The following DYNC2I2 variants were observed in gnomAD, a reference collection of about 807,000 sequenced individuals.
DYNC2I2 encodes the protein dynein 2 intermediate chain 2.
DYNC2I2 carries 39 observed loss-of-function variants against 52.0 expected under a neutral mutation model. The observed-to-expected ratio is 0.75, with a 90% confidence interval of 0.58 to 0.98. The LOEUF is 0.98. Ranked by LOEUF, DYNC2I2 falls within the 50% of genes least tolerant of loss-of-function variation. The pLI is 0.00. For synonymous variants in DYNC2I2, 359 were observed against 321.1 expected (o/e 1.12, Z -1.26); for missense variants, 743 against 728.4 (o/e 1.02, Z -0.23).
intron 1 of DYNC2I2, among the ~76,000 whole-genome samples, chr9:128,654,131 C>T (rs1419353182): frequency 1.3e-5 from 2 of 152,204 alleles, no homozygotes; most frequent in East Asian, 3.8e-4. Flanking sequence ...AACTAAACCA[C>T]CTAGTGCCCT....
intron 1 of DYNC2I2, among the ~76,000 whole-genome samples, chr9:128,653,640 C>T (rs759870792): frequency 2.6e-4 from 40 of 150,950 alleles, no homozygotes; most frequent in Non-Finnish European, 4.7e-4. Context: ...CGCTTGAAGC[C>T]GGGAGGCGGA....
the DYNC2I2 span, among the ~76,000 whole-genome samples, chr9:128,662,752 G>A: frequency 6.6e-6 from 1 of 152,014 alleles, no homozygotes. Context: ...GCTAATTTTT[G>A]TAGGTTTCAC....
chr9:128,667,058 G>T, the DYNC2I2 span, among the ~76,000 whole-genome samples: 1 of 151,448 alleles, frequency 6.6e-6, no homozygotes, highest in African/African-American at 2.4e-5. Flanking sequence ...AATTGGCCAG[G>T]TGTGGTGGTG....
the DYNC2I2 span, among the ~76,000 whole-genome samples, chr9:128,672,419 C>T: frequency 4.0e-5 from 6 of 151,452 alleles, no homozygotes; most frequent in Non-Finnish European, 7.4e-5. Flanking sequence ...GTCTCAAACT[C>T]CTGACCTCAG....
chr9:128,677,161 A>T, the DYNC2I2 span, among the ~76,000 whole-genome samples: 1 of 151,346 alleles, frequency 6.6e-6, no homozygotes, highest in Non-Finnish European at 1.5e-5. Context: ...TTTATTTTTA[A>T]TGTAATATGT....
chr9:128,667,719 G>A, the DYNC2I2 span, among the ~76,000 whole-genome samples: 8 of 149,646 alleles, frequency 5.3e-5, no homozygotes, highest in East Asian at 2.0e-4. Context: ...ACAGGCATTC[G>A]CCACCACGCC....
At chr9:128,656,519 C>G in intron 1 of DYNC2I2, 22 bp downstream of exon 1, 1 of 1,275,954 alleles carries the variant, frequency 7.8e-7, no homozygotes, top group Non-Finnish European at 9.9e-7. Flanking sequence ...CGCGTCGCTC[C>G]GCGCGGGGCC....
chr9:128,637,002 T>C lies in DYNC2I2; in HGVS notation c.461A>G (p.Tyr154Cys), dbSNP rs141038992. The C allele has an allele frequency of 6.2e-7, 1 of 1,613,100 alleles. No individual in the cohort carries two copies. Among genetic ancestry groups the C allele is most frequent in the African/African-American group, 1.3e-5 (1 of 74,886 alleles). ...QMVSCLYTLG[Y>C]PPAQAQGLHV... ...CAGACCCTGCGCTTGGGCTGGCGGG[T>C]AGCCCAGGGTATACAGACAAGACAC... Residue 154 changes from tyrosine to cysteine, a missense_variant, in exon 3 of 9, where the codon TAC becomes TGC. Coordinates refer to ENST00000372715, the MANE Select transcript of DYNC2I2 (RefSeq NM_052844.4).
Position 128,634,389 on chromosome 9 carries a change from C to CG in DYNC2I2, c.1215-7dup. ...CAGCGCTCAGGAAGAGATTCCTAGA[C>CG]GGGATGCAGGGGGCCAGGCAAGGGA... On this transcript the variant is annotated splice_polypyrimidine_tract_variant and splice_region_variant and intron_variant, in intron 7 of 8. Coordinates refer to ENST00000372715, the MANE Select transcript of DYNC2I2 (RefSeq NM_052844.4). The CG allele has an allele frequency of 6.4e-7, 1 of 1,572,626 alleles. No homozygotes were observed. The highest frequency in any genetic ancestry group is 8.6e-7 in the Non-Finnish European group (1 of 1,160,340).
the DYNC2I2 span, among the ~76,000 whole-genome samples, chr9:128,670,004 T>G: frequency 4.6e-5 from 7 of 152,270 alleles, no homozygotes; most frequent in South Asian, 1.4e-3. Context: ...TGACTGGGCA[T>G]GGTGGTGAAC....
upstream of DYNC2I2, among the ~76,000 whole-genome samples, chr9:128,659,960 T>G (rs927811131): frequency 8.6e-5 from 13 of 150,632 alleles, no homozygotes; most frequent in Non-Finnish European, 1.9e-4. Flanking sequence ...GCCCAGTTAC[T>G]CTGGAGGCTT....
At chr9:128,640,200 C>T (rs954779614) in intron 2 of DYNC2I2, among the ~76,000 whole-genome samples, 5 of 151,282 alleles carry the variant, frequency 3.3e-5, no homozygotes, top group African/African-American at 9.7e-5. Flanking sequence ...TTAGTAGAGA[C>T]GGGGTTTCAC....
intron 8 of DYNC2I2, 86 bp downstream of exon 8, chr9:128,634,139 CT>C: frequency 1.3e-6 from 2 of 1,586,620 alleles, no homozygotes; most frequent in Non-Finnish European, 1.7e-6. Flanking sequence ...CATGTGTGGT[CT>C]TTTCCCCAAC....
At chr9:128,667,712 G>T in the DYNC2I2 span, among the ~76,000 whole-genome samples, 5 of 151,536 alleles carry the variant, frequency 3.3e-5, no homozygotes, top group African/African-American at 1.2e-4. Flanking sequence ...TGGGATTACA[G>T]GCATTCGCCA....
intron 2 of DYNC2I2, among the ~76,000 whole-genome samples, chr9:128,637,610 T>G (rs1039680242): frequency 2.0e-5 from 3 of 152,054 alleles, no homozygotes; most frequent in Admixed American, 6.6e-5. Context: ...ACCTGGATAA[T>G]TTTTATATTT....
chr9:128,669,771 C>A, the DYNC2I2 span, among the ~76,000 whole-genome samples: 6 of 152,162 alleles, frequency 3.9e-5, no homozygotes, highest in African/African-American at 1.4e-4. Flanking sequence ...CTCTGCCCCC[C>A]AGGTTCAAGG....
the DYNC2I2 span, among the ~76,000 whole-genome samples, chr9:128,666,542 A>C: frequency 1.3e-5 from 2 of 152,046 alleles, no homozygotes; most frequent in African/African-American, 4.8e-5. Flanking sequence ...TGGGCGGATC[A>C]CTTGAGGTCA....
upstream of DYNC2I2, among the ~76,000 whole-genome samples, chr9:128,657,285 C>A (rs1002351215): frequency 5.3e-5 from 8 of 152,172 alleles, no homozygotes; most frequent in Non-Finnish European, 1.5e-5. Flanking sequence ...ATGAGGTCTT[C>A]TACAGAAACA....
At chr9:128,655,374 G>T (rs1254502515) in intron 1 of DYNC2I2, among the ~76,000 whole-genome samples, 1 of 93,278 alleles carries the variant, frequency 1.1e-5, no homozygotes, top group Non-Finnish European at 2.4e-5. Context: ...AGCCGGGCGT[G>T]GTGGCGGGCG....
Sources: allele counts gnomAD v4.1 joint callset (sites outside exome capture counted in the v4.1 genomes callset), GRCh38; gene constraint gnomAD v4.1.1; transcripts MANE v1.5; gene names NCBI Gene and HGNC (gene_info 2026-07-23, HGNC 2026-07-21).